Variants in PMEPA1 observed in about 807,000 individuals in gnomAD.
PMEPA1 encodes protein TMEPAI.
Under a neutral mutation model 23.0 loss-of-function variants are expected in PMEPA1, and 11 were observed. The observed-to-expected ratio is 0.48, with a 90% CI of 0.30 to 0.79. The LOEUF (loss-of-function observed/expected upper bound fraction) is 0.79. Ranked by LOEUF, PMEPA1 falls within the 30% of genes least tolerant of loss-of-function variation. The pLI is 0.06. For missense variants in PMEPA1, 377 were observed against 390.9 expected (o/e 0.96, Z 0.30); for synonymous variants, 204 against 166.4 (o/e 1.23, Z -1.74).
chr20:57,711,294 A>T (rs1307649259), upstream of PMEPA1: 1 of 152,222 alleles, frequency 6.6e-6, no homozygotes, highest in Admixed American at 6.5e-5. Flanking sequence ...GGAATTTGGG[A>T]AGTGAAGGTG....
At chr20:57,684,654 G>A (rs1000277369) in intron 1 of PMEPA1, among the ~76,000 whole-genome samples, 24 of 152,210 alleles carry the variant, frequency 1.6e-4, no homozygotes, top group South Asian at 2.1e-4. Context: ...TGACCTAGTC[G>A]CTATGGCAAT....
At chr20:57,670,327 G>C (rs2071550717) in intron 1 of PMEPA1, among the ~76,000 whole-genome samples, 2 of 152,182 alleles carry the variant, frequency 1.3e-5, no homozygotes, top group African/African-American at 4.8e-5. Context: ...CCGTGGTGCA[G>C]CACAGCTAAT....
intron 1 of PMEPA1, among the ~76,000 whole-genome samples, chr20:57,667,725 A>C (rs2071513863): frequency 1.3e-5 from 2 of 152,208 alleles, no homozygotes; most frequent in African/African-American, 4.8e-5. Flanking sequence ...TGCCTGGATG[A>C]GACCCGCCTG....
chr20:57,652,922 G>A lies in PMEPA1; in HGVS notation c.318+111C>T. ...GGAGGATCCCAGCAGCAAGGGCACT[G>A]CAGAGGAGGGCGGAGGGGTGAGCCT... On this transcript the variant is annotated intron_variant, in intron 3 of 3. Transcript: ENST00000341744. This position sits in a 1 kb window ranked among gnomAD's most constrained non-coding sequence, Gnocchi z 6.1. 1.1e-6 allele frequency: 1 copy of A among 920,212 alleles called. No individual in the cohort carries two copies. Among genetic ancestry groups the A allele is most frequent in the Non-Finnish European group, 1.7e-6 (1 of 578,782 alleles). The allele number at this position is 920,212 out of a possible 1,614,324, so 57.0% of individuals were successfully genotyped here. A position where few individuals can be genotyped will look rare whatever the true frequency, so the allele number is the denominator to read the frequency against.
At chr20:57,699,850 G>A (rs936519334) in intron 1 of PMEPA1, among the ~76,000 whole-genome samples, 2 of 152,228 alleles carry the variant, frequency 1.3e-5, no homozygotes, top group Admixed American at 6.5e-5. Context: ...TGTGGGAGGT[G>A]GGATGTCCGT....
At position 57,709,534 on chromosome 20, in the gene PMEPA1, GC is replaced by G; in HGVS notation, c.48del (p.Gln17SerfsTer34). 8.9e-7 allele frequency: 1 copy of G among 1,122,680 alleles called. No homozygotes were observed. The highest frequency in any genetic ancestry group is 1.1e-6 in the Non-Finnish European group (1 of 897,678). The allele number at this position is 1,122,680 out of a possible 1,614,324, so 69.5% of individuals were successfully genotyped here. A position where few individuals can be genotyped will look rare whatever the true frequency, so the allele number is the denominator to read the frequency against. On this transcript the variant is annotated frameshift_variant, in exon 1 of 4. Transcript: ENST00000341744. LOFTEE classifies it high-confidence loss of function. ...GVNSTAAAAAGQPNVSCTCNC... is the reference protein window; with the variant it reads ...GVNSTAAAAAXQPNVSCTCNC... ...TTGCACGTGCAGGAGACATTGGGCT[GC>G]CCGGCGGCGGCGGCGGCGGTGCTGT...
chr20:57,678,153 AAC>A (rs971351919), intron 1 of PMEPA1, among the ~76,000 whole-genome samples: 14 of 152,254 alleles, frequency 9.2e-5, no homozygotes, highest in African/African-American at 2.2e-4. Context: ...CATTGAACGA[AAC>A]ACACACACAG....
intron 1 of PMEPA1, among the ~76,000 whole-genome samples, chr20:57,673,210 C>T (rs1468957458): frequency 2.6e-5 from 4 of 151,896 alleles, no homozygotes; most frequent in Non-Finnish European, 5.9e-5. Flanking sequence ...CGGGCTGGCC[C>T]ACCTGCCTGG....
intron 1 of PMEPA1, among the ~76,000 whole-genome samples, chr20:57,666,667 T>G (rs1287237822): frequency 2.6e-5 from 4 of 152,178 alleles, no homozygotes; most frequent in Admixed American, 2.6e-4. Context: ...ACGCAGTCCA[T>G]GAAGCTGGTA....
chr20:57,682,052 C>T lies in PMEPA1; in HGVS notation c.110-22355G>A, dbSNP rs945431981. Reference sequence around the variant, plus strand: ...TCCCATCTGCACCAGACTAGTAGCTCCCTGAGGGCAGGCTCAGGCCTGTTC... The same window carrying T: ...TCCCATCTGCACCAGACTAGTAGCTTCCTGAGGGCAGGCTCAGGCCTGTTC... On this transcript the variant is annotated intron_variant, in intron 1 of 3. Transcript: ENST00000341744. This position sits in a 1 kb window ranked among gnomAD's most constrained non-coding sequence, Gnocchi z 4.4. 5.3e-5 allele frequency among the ~76,000 whole-genome samples: 8 copies of T among 152,214 alleles called. No homozygotes were observed. Among genetic ancestry groups the T allele is most frequent in the African/African-American group, 1.7e-4 (7 of 41,458 alleles).
At position 57,708,061 on chromosome 20, in the gene PMEPA1, T is replaced by C. The variant is rs2072112290; in HGVS notation, c.109+1413A>G. On this transcript the variant is annotated intron_variant, in intron 1 of 3. Transcript: ENST00000341744. ...GAGGGAGTGTGGAGAGGTGGATGGA[T>C]GGAAGGACCCACCACCAAAGCCCGG... is the stretch of plus-strand genomic sequence containing the variant. Among the ~76,000 whole-genome samples, 3 of 152,028 alleles carry C rather than the reference T, an allele frequency of 2.0e-5. No homozygotes were observed. The South Asian group carries it at 6.2e-4, about 32-fold the overall frequency.
chr20:57,661,611 G>A (rs113425909), intron 1 of PMEPA1, among the ~76,000 whole-genome samples: 1 of 152,176 alleles, frequency 6.6e-6, no homozygotes, highest in South Asian at 2.1e-4. Context: ...GGGGGAGGGG[G>A]ATCGGGGTGG....
Position 57,682,779 on chromosome 20 carries a change from A to G in PMEPA1, c.110-23082T>C, listed in dbSNP as rs1766387383. 6.6e-6 allele frequency among the ~76,000 whole-genome samples: 1 copy of G among 152,262 alleles called. No individual in the cohort carries two copies. ...GATGAGCTATAAATATTTCTGCTAG[A>G]TGCTGCCTGGGAGCTGGGCTTTCTG... On this transcript the variant is annotated intron_variant, in intron 1 of 3. Coordinates refer to ENST00000341744, the MANE Select transcript of PMEPA1 (RefSeq NM_020182.5). This position sits in a 1 kb window ranked among gnomAD's most constrained non-coding sequence, Gnocchi z 4.4.
intron 1 of PMEPA1, among the ~76,000 whole-genome samples, chr20:57,703,691 G>A (rs967458207): frequency 1.3e-5 from 2 of 152,228 alleles, no homozygotes; most frequent in African/African-American, 4.8e-5. Flanking sequence ...TGGGCCTGTT[G>A]ATTCCAACCT....
chr20:57,670,287 T>C (rs13044132), intron 1 of PMEPA1, among the ~76,000 whole-genome samples: 20,317 of 152,098 alleles, frequency 0.13, 1,456 homozygotes, highest in African/African-American at 0.17. Context: ...ACTGGGCCAC[T>C]CCAGGGAGGA....
intron 1 of PMEPA1, among the ~76,000 whole-genome samples, chr20:57,673,874 C>T (rs932831992): frequency 1.4e-4 from 22 of 152,312 alleles, no homozygotes; most frequent in African/African-American, 5.1e-4. Flanking sequence ...TGCTACCCTC[C>T]CCTCTCTGGG....
At chr20:57,677,942 A>G (rs2071660543) in intron 1 of PMEPA1, among the ~76,000 whole-genome samples, 1 of 152,244 alleles carries the variant, frequency 6.6e-6, no homozygotes, top group South Asian at 2.1e-4. Flanking sequence ...GAAAAAAGCC[A>G]ATTTCAAAAG....
intron 1 of PMEPA1, among the ~76,000 whole-genome samples, chr20:57,684,434 A>G (rs1331471165): frequency 6.6e-6 from 1 of 152,166 alleles, no homozygotes; most frequent in Non-Finnish European, 1.5e-5. Flanking sequence ...TGGGCTGTGT[A>G]GCTGCCTAAG....
intron 1 of PMEPA1, among the ~76,000 whole-genome samples, chr20:57,693,756 T>C (rs1035088030): frequency 2.0e-5 from 3 of 152,136 alleles, no homozygotes; most frequent in African/African-American, 7.2e-5. Context: ...TTGGTTAAAA[T>C]ACACAGAGAT....
Sources: gnomAD v4.1 joint callset for allele counts (sites outside exome capture counted in the v4.1 genomes callset) on GRCh38, gnomAD v4.1.1 for gene constraint, Gnocchi (gnomAD v3.1) non-coding constraint, MANE v1.5 for transcripts, NCBI Gene and HGNC (gene_info 2026-07-23, HGNC 2026-07-21) for gene names.